ANKRD26: variants seen among roughly 807,000 people sequenced by gnomAD.
ANKRD26 encodes the protein ankyrin repeat domain 26.
Under a neutral mutation model 208.7 loss-of-function variants are expected in ANKRD26, and 141 were observed. The ratio of observed to expected loss-of-function variants is 0.68; its 90% confidence interval spans 0.59 to 0.78. The LOEUF is 0.78. Ranked by LOEUF, ANKRD26 falls within the 30% of genes least tolerant of loss-of-function variation. The pLI, the probability that ANKRD26 is intolerant of heterozygous loss-of-function variation, is 0.00. For synonymous variants in ANKRD26, 636 were observed against 660.4 expected, an observed-to-expected ratio of 0.96 and a Z score of 0.57; for missense variants, 1,889 against 1,938.7, an observed-to-expected ratio of 0.97 and a Z score of 0.48.
chr10:26,972,283 G>C (rs1307610861), downstream of ANKRD26, among the ~76,000 whole-genome samples: 1 of 150,698 alleles, frequency 6.6e-6, no homozygotes, highest in African/African-American at 2.4e-5. Flanking sequence ...TATTCACTCT[G>C]GTTGTAAAAT....
chr10:26,954,434 AT>A, the ANKRD26 span, among the ~76,000 whole-genome samples: 1 of 152,076 alleles, frequency 6.6e-6, no homozygotes, highest in East Asian at 1.9e-4. Flanking sequence ...AGACAGTAAT[AT>A]TTTTAGTTAT....
intron 5 of ANKRD26, among the ~76,000 whole-genome samples, chr10:27,083,332 A>G (rs1237794368): frequency 6.6e-6 from 1 of 152,146 alleles, no homozygotes; most frequent in Non-Finnish European, 1.5e-5. Flanking sequence ...AAGGAAAAAA[A>G]ACCCATGCAC....
At chr10:27,061,793 G>A (rs2055066495) in intron 12 of ANKRD26, 1 of 260,550 alleles carries the variant, frequency 3.8e-6, no homozygotes, top group Non-Finnish European at 6.0e-6. Context: ...TCAAACTCCT[G>A]GGCTCCAGCA....
chr10:27,059,331 T>A (rs1463025412), intron 15 of ANKRD26, among the ~76,000 whole-genome samples: 1 of 152,156 alleles, frequency 6.6e-6, no homozygotes, highest in Non-Finnish European at 1.5e-5. Context: ...TACGGGTAGA[T>A]CTGAAAAATA....
intron 9 of ANKRD26, among the ~76,000 whole-genome samples, chr10:27,075,214 A>G (rs776941891): frequency 2.0e-5 from 3 of 152,214 alleles, no homozygotes; most frequent in Non-Finnish European, 2.9e-5. Flanking sequence ...CAATCAACAC[A>G]ATGACTGGAA....
chr10:27,006,852 T>G, intron 33 of ANKRD26, 65 bp downstream of exon 33: 2 of 1,330,080 alleles, frequency 1.5e-6, no homozygotes, highest in South Asian at 2.4e-5. Flanking sequence ...CCACTCACGA[T>G]TTACAATTTA....
chr10:26,979,018 C>T (rs367736429), intron 5 of ANKRD26, among the ~76,000 whole-genome samples: 4 of 152,020 alleles, frequency 2.6e-5, no homozygotes, highest in Admixed American at 6.5e-5. Context: ...GTCAGTAGAT[C>T]GAGACCATCT....
downstream of ANKRD26, among the ~76,000 whole-genome samples, chr10:26,969,715 T>C (rs1457239868): frequency 6.6e-6 from 1 of 152,176 alleles, no homozygotes; most frequent in East Asian, 1.9e-4. Context: ...TTAGTATTTA[T>C]GCATTTTTTT....
At chr10:27,087,914 A>G (rs1159120352) in intron 4 of ANKRD26, among the ~76,000 whole-genome samples, 1 of 152,006 alleles carries the variant, frequency 6.6e-6, no homozygotes, top group African/African-American at 2.4e-5. Context: ...ACGAGTAGCT[A>G]GGACTCCAGG....
Position 27,028,991 on chromosome 10 carries a change from A to T in ANKRD26, c.3879-46T>A, listed in dbSNP as rs776277761. ...TAATTATTCTCACAGATAAATTTTT[A>T]AAATACTGTGTAATTTCTTAGCAAA... On this transcript the variant is annotated intron_variant, in intron 26 of 33. Coordinates refer to ENST00000376087, the MANE Select transcript of ANKRD26 (RefSeq NM_014915.3). 1.7e-5 allele frequency: 25 copies of T among 1,452,716 alleles called. No homozygotes were observed. In the East Asian group the frequency reaches 5.7e-4, roughly 33 times the overall value. The allele number at this position is 1,452,716 out of a possible 1,614,324, so 90.0% of individuals were successfully genotyped here.
chr10:27,097,118 G>A (rs373386720), intron 1 of ANKRD26, among the ~76,000 whole-genome samples: 4 of 151,776 alleles, frequency 2.6e-5, no homozygotes, highest in East Asian at 3.9e-4. Context: ...GGAGATGGAT[G>A]TTGCATTGAG....
the ANKRD26 span, among the ~76,000 whole-genome samples, chr10:26,968,419 G>A: frequency 6.6e-6 from 1 of 152,172 alleles, no homozygotes; most frequent in African/African-American, 2.4e-5. Context: ...GGATTCCACA[G>A]CCCCTGTGCT....
chr10:26,983,386 C>T (rs576894407), intron 3 of ANKRD26, among the ~76,000 whole-genome samples: 4 of 152,288 alleles, frequency 2.6e-5, no homozygotes, highest in Admixed American at 6.5e-5. Flanking sequence ...CTGGGGTTAA[C>T]TGAGGCCATA....
chr10:27,098,115 TTC>T (rs1219384631), intron 1 of ANKRD26, among the ~76,000 whole-genome samples: 2 of 152,198 alleles, frequency 1.3e-5, no homozygotes, highest in African/African-American at 4.8e-5. Flanking sequence ...CCTTTACTTT[TTC>T]TTTTTTTATT....
intron 27 of ANKRD26, among the ~76,000 whole-genome samples, chr10:27,025,746 A>G (rs1245257582): frequency 6.6e-6 from 1 of 152,002 alleles, no homozygotes; most frequent in Non-Finnish European, 1.5e-5. Flanking sequence ...CCTCTTTTTT[A>G]AATTCTCTAA....
Position 27,024,541 on chromosome 10 carries a change from G to T in ANKRD26, c.3991C>A (p.Gln1331Lys). ...TTTAATTCCATAAGTTTCTTTAATT[G>T]TTCCTTTTCATCTTCAGACTTTGAA... Reference protein sequence around the residue: ...NANLSEDEKEQLKKLMELKQS... With the variant: ...NANLSEDEKEKLKKLMELKQS... The change falls in exon 28 of 34, where the codon CAA becomes AAA. Residue 1331 changes from glutamine to lysine, a missense_variant. Around this residue, in one of 3 missense-constraint regions of ANKRD26, gnomAD observed 613 missense variants for 648.2 expected, o/e 0.95. Transcript: ENST00000376087. 3.2e-6 allele frequency: 5 copies of T among 1,567,426 alleles called. No individual in the cohort carries two copies. The highest frequency in any genetic ancestry group is 4.4e-6 in the Non-Finnish European group (5 of 1,141,066).
the ANKRD26 span, among the ~76,000 whole-genome samples, chr10:26,968,633 G>A: frequency 6.6e-6 from 1 of 152,090 alleles, no homozygotes; most frequent in East Asian, 1.9e-4. Context: ...TAGACACAGT[G>A]GAAAATATGA....
At chr10:27,061,001 TA>T in intron 13 of ANKRD26, 142 bp downstream of exon 13, 1 of 701,908 alleles carries the variant, frequency 1.4e-6, no homozygotes. Context: ...ACTTGTCCTG[TA>T]ATTTAGGAAG....
chr10:26,997,929 T>C (rs2052632145), intron 4 of ANKRD26, among the ~76,000 whole-genome samples: 1 of 152,190 alleles, frequency 6.6e-6, no homozygotes, highest in African/African-American at 2.4e-5. Context: ...GGCCCCCTGG[T>C]CCCACTTTCT....
Sources: allele counts gnomAD v4.1 joint callset (sites outside exome capture counted in the v4.1 genomes callset), GRCh38; gene constraint gnomAD v4.1.1; regional missense constraint gnomAD v4.1.1; transcripts MANE v1.5; gene names NCBI Gene and HGNC (gene_info 2026-07-23, HGNC 2026-07-21).